RIMS4: variants seen among roughly 807,000 people sequenced by gnomAD.
RIMS4 encodes the protein regulating synaptic membrane exocytosis 4.
RIMS4 carries 9 observed loss-of-function variants against 29.0 expected under a neutral mutation model. The ratio of observed to expected loss-of-function variants is 0.31; its 90% confidence interval spans 0.19 to 0.54. The LOEUF is 0.54. Ranked by LOEUF, RIMS4 falls within the 20% of genes least tolerant of loss-of-function variation. The pLI is 0.94. For synonymous variants in RIMS4, 130 were observed against 152.9 expected (o/e 0.85, Z 1.10); for missense variants, 193 against 365.7 (o/e 0.53, Z 3.85).
At chr20:44,782,145 A>C (rs2066187204) in intron 1 of RIMS4, among the ~76,000 whole-genome samples, 1 of 152,204 alleles carries the variant, frequency 6.6e-6, no homozygotes. Flanking sequence ...AAAATGATAG[A>C]ATCCACTCCA....
Position 44,752,426 on chromosome 20 carries a change from AC to A in RIMS4, c.*3707del, listed in dbSNP as rs2066037771. The A allele has an allele frequency of 6.6e-6, 1 of 152,040 alleles. No individual in the cohort carries two copies. The highest frequency in any genetic ancestry group is 1.5e-5 in the Non-Finnish European group (1 of 68,028). The allele number at this position is 152,040 out of a possible 1,614,324, so 9.4% of individuals were successfully genotyped here. On this transcript the variant is annotated 3_prime_UTR_variant, in exon 6 of 6. Coordinates refer to ENST00000372851, the MANE Select transcript of RIMS4 (RefSeq NM_182970.4). ...GAATTGGCTTGTGAAGTACATAACC[AC>A]CCCCTAAGCCACCTGCTCCACCTCT...
chr20:44,760,398 C>A (rs142819337), intron 2 of RIMS4, among the ~76,000 whole-genome samples: 8 of 152,304 alleles, frequency 5.3e-5, no homozygotes, highest in Middle Eastern at 3.4e-3. Context: ...TCTGTACATC[C>A]CTCCATACCC....
chr20:44,769,729 G>T (rs1199190152), intron 2 of RIMS4, among the ~76,000 whole-genome samples: 2 of 152,200 alleles, frequency 1.3e-5, no homozygotes, highest in Non-Finnish European at 2.9e-5. Context: ...CTAAGGCAAG[G>T]CCATTCACGA....
Position 44,771,418 on chromosome 20 carries a change from T to C in RIMS4, c.98-5A>G, listed in dbSNP as rs140345054. The C allele has an allele frequency of 1.9e-6, 3 of 1,608,682 alleles. No homozygotes were observed. The East Asian group carries it at 6.7e-5, about 36-fold the overall frequency. ...CCTTCAGCCTCCGGCTGTCCCCTTC[T>C]GGGCAAAGCGGCCAAGAGAGATGGG... On this transcript the variant is annotated splice_polypyrimidine_tract_variant and splice_region_variant and intron_variant, in intron 1 of 5. Transcript: ENST00000372851.
intron 1 of RIMS4, among the ~76,000 whole-genome samples, chr20:44,779,536 C>T (rs534108790): frequency 1.3e-5 from 2 of 152,200 alleles, no homozygotes; most frequent in East Asian, 1.9e-4. Context: ...CCCAACACGA[C>T]GTTTGTGGGG....
chr20:44,763,088 C>T (rs2066093275), intron 2 of RIMS4, among the ~76,000 whole-genome samples: 1 of 152,244 alleles, frequency 6.6e-6, no homozygotes. Flanking sequence ...TGTGCTACAA[C>T]TTTGACAAGT....
intron 1 of RIMS4, among the ~76,000 whole-genome samples, chr20:44,802,263 G>A (rs182226682): frequency 5.3e-5 from 8 of 152,246 alleles, no homozygotes; most frequent in Admixed American, 3.9e-4. Context: ...TATTCCATAC[G>A]TCCAGCTCTG....
intron 2 of RIMS4, among the ~76,000 whole-genome samples, chr20:44,764,189 T>TCCAC (rs1568895695): frequency 1.0e-4 from 1 of 9,908 alleles, no homozygotes; most frequent in Non-Finnish European, 2.8e-4. Context: ...CATCCATCCA[T>TCCAC]TTATCCATCC....
chr20:44,799,524 T>C (rs1445401248), intron 1 of RIMS4, among the ~76,000 whole-genome samples: 1 of 152,176 alleles, frequency 6.6e-6, no homozygotes, highest in Non-Finnish European at 1.5e-5. Flanking sequence ...CCCAGGCTGA[T>C]GAAAGATGCT....
chr20:44,779,412 C>T (rs2066174135), intron 1 of RIMS4, among the ~76,000 whole-genome samples: 1 of 152,186 alleles, frequency 6.6e-6, no homozygotes, highest in African/African-American at 2.4e-5. Context: ...AGTTACTTTC[C>T]ACCAAAAGTA....
chr20:44,795,663 A>C (rs1224973625), intron 1 of RIMS4, among the ~76,000 whole-genome samples: 1 of 152,068 alleles, frequency 6.6e-6, no homozygotes, highest in East Asian at 1.9e-4. Context: ...CCCCCAAAAC[A>C]ACCTCACAGA....
intron 1 of RIMS4, among the ~76,000 whole-genome samples, chr20:44,773,827 T>C (rs564244732): frequency 6.6e-6 from 1 of 152,288 alleles, no homozygotes; most frequent in Admixed American, 6.5e-5. Flanking sequence ...GGCCCAGGTA[T>C]GGAGACCCGG....
intron 2 of RIMS4, among the ~76,000 whole-genome samples, chr20:44,763,622 C>A (rs1326922663): frequency 6.6e-6 from 1 of 152,198 alleles, no homozygotes; most frequent in Non-Finnish European, 1.5e-5. Context: ...GTTCTGCTGG[C>A]CTTTTATTTT....
intron 2 of RIMS4, among the ~76,000 whole-genome samples, chr20:44,762,672 A>G (rs2066091124): frequency 6.6e-6 from 1 of 152,176 alleles, no homozygotes; most frequent in African/African-American, 2.4e-5. Context: ...GAGCCTTGCT[A>G]GCTGCCAAGG....
rs2066128273 is a variant in RIMS4 at position 44,769,665 on chromosome 20, T to C, written c.236+1610A>G. Among the ~76,000 whole-genome samples the C allele has an allele frequency of 2.0e-5, 3 of 152,244 alleles. No homozygotes were observed. In the South Asian group the frequency reaches 6.2e-4, roughly 32 times the overall value. The stretch of plus-strand genomic sequence containing the variant: ...CCTCTCCCTTCCGCTGTCCTCCTCC[T>C]GTTCTCGCCCACGGGAAAGTCTCGC... On this transcript the variant is annotated intron_variant, in intron 2 of 5. Transcript: ENST00000372851.
At chr20:44,793,809 CT>C (rs2066243275) in intron 1 of RIMS4, among the ~76,000 whole-genome samples, 2 of 152,146 alleles carry the variant, frequency 1.3e-5, no homozygotes, top group Non-Finnish European at 2.9e-5. Flanking sequence ...GTGGCTCATG[CT>C]TGTAATCCCA....
chr20:44,755,941 G>A lies in RIMS4; in HGVS notation c.*193C>T, dbSNP rs2066057670. On this transcript the variant is annotated 3_prime_UTR_variant, in exon 6 of 6. Coordinates refer to ENST00000372851, the MANE Select transcript of RIMS4 (RefSeq NM_182970.4). ...AAAAGTGTAGCCAATCCCGTTGGGAGAGGGGAGGTCTCGGGGGTAGGAGGC... is the reference window on the plus strand; with the variant it reads ...AAAAGTGTAGCCAATCCCGTTGGGAAAGGGGAGGTCTCGGGGGTAGGAGGC... 7.1e-6 allele frequency: 4 copies of A among 566,388 alleles called. No homozygotes were observed. The highest frequency in any genetic ancestry group is 3.0e-5 in the Admixed American group (1 of 33,414). 35.1% of individuals were successfully genotyped at this position (566,388 alleles called of 1,614,324 possible).
chr20:44,757,112 G>C, intron 4 of RIMS4, 75 bp from the exon 5 acceptor site: 1 of 1,508,878 alleles, frequency 6.6e-7, no homozygotes, highest in Non-Finnish European at 9.1e-7. Flanking sequence ...ACAGAGGGAG[G>C]CTGCCCACCC....
rs2066102471 is a variant in RIMS4, at chr20:44,764,203, C to CATTT, written c.237-6020_237-6019insAAAT. 2.5e-3 allele frequency among the ~76,000 whole-genome samples: 51 copies of CATTT among 20,184 alleles called. 2 individuals carry two copies. The highest frequency in any genetic ancestry group is 0.012 in the South Asian group (5 of 434). The allele number at this position is 20,184 out of a possible 152,430, so 13.2% of individuals were successfully genotyped here. A position where few individuals can be genotyped will look rare whatever the true frequency, so the allele number is the denominator to read the frequency against. The stretch of plus-strand genomic sequence containing the variant: ...CCATCCATCCATTTATCCATCCATC[C>CATTT]ATCCATCCACCCATCCATCCATCCG... On this transcript the variant is annotated intron_variant, in intron 2 of 5. Coordinates refer to ENST00000372851, the MANE Select transcript of RIMS4 (RefSeq NM_182970.4).
Sources: gnomAD v4.1 joint callset for allele counts (sites outside exome capture counted in the v4.1 genomes callset) on GRCh38, gnomAD v4.1.1 for gene constraint, MANE v1.5 for transcripts, NCBI Gene and HGNC (gene_info 2026-07-23, HGNC 2026-07-21) for gene names.